The following COL5A1 variants were observed in gnomAD, a reference collection of about 807,000 sequenced individuals.
COL5A1 encodes the protein collagen type V alpha 1 chain.
Under a neutral mutation model 263.7 loss-of-function variants are expected in COL5A1, and 16 were observed. The observed-to-expected ratio is 0.06, with a 90% CI of 0.04 to 0.09. The LOEUF is 0.09. Among genes scored for constraint, COL5A1 ranks in the 10% least tolerant of loss-of-function variants. COL5A1 has a pLI of 1.00. For synonymous variants in COL5A1, 1,012 were observed against 1,004.5 expected (o/e 1.01, Z -0.14); for missense variants, 2,036 against 2,540.5 (o/e 0.80, Z 4.27).
chr9:134,811,960 A>G (rs1051649961), intron 46 of COL5A1, among the ~76,000 whole-genome samples: 22 of 152,236 alleles, frequency 1.4e-4, no homozygotes, highest in Non-Finnish European at 2.5e-4. Context: ...ACAGAGGCGC[A>G]TATGTAATTG....
At chr9:134,795,475 A>G (rs960730754) in intron 34 of COL5A1, among the ~76,000 whole-genome samples, 160 bp downstream of exon 34, 1 of 151,848 alleles carries the variant, frequency 6.6e-6, no homozygotes, top group South Asian at 2.1e-4. Flanking sequence ...CCCCTCCAGC[A>G]GCCTCTGGAT....
chr9:134,815,803 A>G lies in COL5A1; in HGVS notation c.4069-132A>G, dbSNP rs565712432. ...AGAGCAAGAAAACGCCTTTGACCCC[A>G]CTGACCATGCTCTGTGCTGGCACCA... On this transcript the variant is annotated intron_variant, in intron 51 of 65. Transcript: ENST00000371817. 159 of 1,300,748 alleles carry G rather than the reference A, an allele frequency of 1.2e-4. No homozygotes were observed. In the African/African-American group the frequency reaches 1.3e-3, roughly 11 times the overall value. The allele number at this position is 1,300,748 out of a possible 1,614,324, so 80.6% of individuals were successfully genotyped here. A position where few individuals can be genotyped will look rare whatever the true frequency, so the allele number is the denominator to read the frequency against.
At chr9:134,645,573 T>G (rs942467660) in intron 1 of COL5A1, among the ~76,000 whole-genome samples, 1 of 152,148 alleles carries the variant, frequency 6.6e-6, no homozygotes, top group Non-Finnish European at 1.5e-5. Flanking sequence ...CAATCACACA[T>G]GGGAATGGAG....
At chr9:134,702,010 T>C (rs1052179032) in intron 4 of COL5A1, among the ~76,000 whole-genome samples, 2 of 152,258 alleles carry the variant, frequency 1.3e-5, no homozygotes, top group Admixed American at 6.5e-5. Flanking sequence ...TGACCAGTGA[T>C]CCCCAGCTGC....
chr9:134,836,374 C>T (rs759291731), intron 65 of COL5A1, among the ~76,000 whole-genome samples: 3 of 152,156 alleles, frequency 2.0e-5, no homozygotes, highest in Admixed American at 6.5e-5. Context: ...CTCATTACCC[C>T]GAGGGCAGCA....
At chr9:134,709,102 T>A (rs1833944688) in intron 4 of COL5A1, 1 of 377,816 alleles carries the variant, frequency 2.6e-6, no homozygotes. Context: ...CAAGGTCACC[T>A]GTGGATCTAG....
chr9:134,753,823 A>AC, intron 14 of COL5A1, 27 bp from the exon 15 acceptor site: 3 of 1,576,772 alleles, frequency 1.9e-6, no homozygotes, highest in Non-Finnish European at 1.7e-6. Flanking sequence ...CCTCGAGCAG[A>AC]CATTAACACA....
chr9:134,829,864 G>C, intron 63 of COL5A1, 112 bp from the exon 64 acceptor site: 1 of 1,211,452 alleles, frequency 8.3e-7, no homozygotes, highest in South Asian at 1.3e-5. Context: ...CCCCCCCGGC[G>C]TGAGGATGCA....
At position 134,800,873 on chromosome 9, in the gene COL5A1, C is replaced by T. The variant is rs189829190; in HGVS notation, c.2953-1081C>T. On this transcript the variant is annotated intron_variant, in intron 37 of 65. Transcript: ENST00000371817. ...GTCAGTGAGCCCAGGCCTGAGGCCG[C>T]TCACCCTCCAGCCCTAGCTTGGCCT... Among the ~76,000 whole-genome samples the T allele has an allele frequency of 8.3e-4, 127 of 152,156 alleles. 1 individual carries two copies. In the Middle Eastern group the frequency reaches 0.017, roughly 20 times the overall value.
At chr9:134,764,207 C>T (rs1361790740) in intron 20 of COL5A1, among the ~76,000 whole-genome samples, 1 of 111,276 alleles carries the variant, frequency 9.0e-6, no homozygotes, top group Admixed American at 1.1e-4. Context: ...GGTCTGAGAG[C>T]ATTGTAGGGG....
chr9:134,792,882 CGTG>C (rs1312840836), intron 32 of COL5A1, among the ~76,000 whole-genome samples: 1 of 30,462 alleles, frequency 3.3e-5, no homozygotes, highest in Non-Finnish European at 7.7e-5. Flanking sequence ...TTTGTGCACA[CGTG>C]TGTGTGCGCG....
At chr9:134,659,805 G>A (rs1438477069) in intron 1 of COL5A1, among the ~76,000 whole-genome samples, 1 of 152,214 alleles carries the variant, frequency 6.6e-6, no homozygotes, top group Non-Finnish European at 1.5e-5. Flanking sequence ...ATTAGATCTG[G>A]AGCCTGTGCC....
At chr9:134,719,033 C>G (rs1834362619) in intron 4 of COL5A1, among the ~76,000 whole-genome samples, 1 of 152,154 alleles carries the variant, frequency 6.6e-6, no homozygotes, top group Non-Finnish European at 1.5e-5. Flanking sequence ...TCTGACATGT[C>G]AACACAACCT....
intron 1 of COL5A1, among the ~76,000 whole-genome samples, chr9:134,689,961 C>G (rs887461156): frequency 9.9e-5 from 15 of 152,204 alleles, no homozygotes; most frequent in Non-Finnish European, 1.9e-4. Flanking sequence ...TTGTTCAGGG[C>G]AGGTTCCTGG....
chr9:134,805,790 G>A (rs1838274813), intron 41 of COL5A1, among the ~76,000 whole-genome samples: 1 of 152,200 alleles, frequency 6.6e-6, no homozygotes, highest in East Asian at 1.9e-4. Flanking sequence ...TTGCCCTGCA[G>A]GCATGTGGGC....
rs2132543670 is a variant in COL5A1 at position 134,686,820 on chromosome 9, A to C, written c.110-4092A>C. ...TGACCCCTAGGTGCTGGGGGTAAAC[A>C]CTTCTTGTAGTTTAAAGATTCTGAT... On this transcript the variant is annotated intron_variant, in intron 1 of 65. Transcript: ENST00000371817. This position sits in a 1 kb window ranked among gnomAD's most constrained non-coding sequence, Gnocchi z 4.6. Among the ~76,000 whole-genome samples, 1 of 152,098 alleles carries C rather than the reference A, an allele frequency of 6.6e-6. No homozygotes were observed. The highest frequency in any genetic ancestry group is 1.9e-4 in the East Asian group (1 of 5,164).
intron 42 of COL5A1, 22 bp downstream of exon 42, chr9:134,806,318 G>A (rs1838296080): frequency 6.7e-7 from 1 of 1,503,488 alleles, no homozygotes; most frequent in African/African-American, 1.4e-5. Flanking sequence ...CTTGGATTGG[G>A]GGAGCCCTTC....
intron 11 of COL5A1, among the ~76,000 whole-genome samples, chr9:134,744,494 C>G (rs1588494191): frequency 6.6e-6 from 1 of 151,916 alleles, no homozygotes; most frequent in Admixed American, 6.6e-5. Flanking sequence ...CACAGTCACC[C>G]ACACCTGCAC....
chr9:134,815,908 G>T (rs1205665471), intron 51 of COL5A1, 27 bp from the exon 52 acceptor site: 1 of 1,614,026 alleles, frequency 6.2e-7, no homozygotes, highest in South Asian at 1.1e-5. Context: ...CCGGGGTTCA[G>T]CAAGGAGCTC....
Sources: allele counts gnomAD v4.1 joint callset (sites outside exome capture counted in the v4.1 genomes callset), GRCh38; gene constraint gnomAD v4.1.1; non-coding constraint Gnocchi (gnomAD v3.1); transcripts MANE v1.5; gene names NCBI Gene and HGNC (gene_info 2026-07-23, HGNC 2026-07-21).